The following G3BP2 variants were observed in gnomAD, a reference collection of about 807,000 sequenced individuals.
G3BP2 encodes the protein G3BP stress granule assembly factor 2.
G3BP2 carries 11 observed loss-of-function variants against 56.7 expected under a neutral mutation model. That is an observed-to-expected ratio of 0.19 (90% CI 0.12 to 0.32). The LOEUF (loss-of-function observed/expected upper bound fraction) is 0.32, where lower values mean the gene tolerates loss of function less well. Among genes scored for constraint, G3BP2 ranks in the 10% least tolerant of loss-of-function variants. The probability of loss-of-function intolerance (pLI) is 1.00; values close to 1 mark genes in which losing one functional copy is unlikely to be tolerated. For synonymous variants in G3BP2, 165 were observed against 191.6 expected, an observed-to-expected ratio of 0.86 and a Z score of 1.15; for missense variants, 340 against 610.9, an observed-to-expected ratio of 0.56 and a Z score of 4.67.
At chr4:75,661,475 T>TTTG (rs1259005845) in intron 2 of G3BP2, 1 of 103,822 alleles carries the variant, frequency 9.6e-6, no homozygotes, top group African/African-American at 4.9e-5. Context: ...GCCCCCAAAG[T>TTTG]TTGTTTTTTT....
rs1460956636 is a variant in G3BP2, at chr4:75,673,309, C to T, written c.-126G>A. 1 of 1,229,238 alleles carries T rather than the reference C, an allele frequency of 8.1e-7. No individual in the cohort carries two copies. The allele number at this position is 1,229,238 out of a possible 1,614,324, so 76.1% of individuals were successfully genotyped here. A position where few individuals can be genotyped will look rare whatever the true frequency, so the allele number is the denominator to read the frequency against. ...ATTGCTCGCCGCCCCCTTCCTCCGA[C>T]AACTCGGAAGCCTCGGAAGCCGGAG... On this transcript the variant is annotated 5_prime_UTR_variant, in exon 1 of 12. Coordinates refer to ENST00000359707, the MANE Select transcript of G3BP2 (RefSeq NM_203505.3).
chr4:75,645,609 G>T lies in G3BP2; in HGVS notation c.1270C>A (p.Arg424Ser). The T allele has an allele frequency of 6.2e-7, 1 of 1,613,458 alleles. No individual in the cohort carries two copies. The highest frequency in any genetic ancestry group is 8.5e-7 in the Non-Finnish European group (1 of 1,179,912). Residue 424 changes from arginine (R) to serine (S), a missense_variant, in exon 12 of 12, where the codon CGC (arginine) becomes AGC (serine). Arg to Ser is a moderately radical substitution (Grantham distance 110, BLOSUM62 -1). Around this residue, in one of 4 missense-constraint regions of G3BP2, gnomAD observed 94 missense variants for 173.8 expected, o/e 0.54. Coordinates refer to ENST00000359707, the MANE Select transcript of G3BP2 (RefSeq NM_203505.3). ...CGATCATTGCGCCTAATATCCCTGCGATCATCACCACCACCTCTGGTTTCT... is the reference window on the plus strand; with the variant it reads ...CGATCATTGCGCCTAATATCCCTGCTATCATCACCACCACCTCTGGTTTCT... Reference protein sequence around the residue: ...ERETRGGGDDRRDIRRNDRGP... With the variant: ...ERETRGGGDDSRDIRRNDRGP...
At chr4:75,722,261 C>T (rs867425758) in intron 1 of G3BP2, among the ~76,000 whole-genome samples, 3 of 152,106 alleles carry the variant, frequency 2.0e-5, no homozygotes, top group South Asian at 4.1e-4. Flanking sequence ...GGGAAGAAAA[C>T]AGGTCAAATG....
At chr4:75,668,467 T>C (rs916424546) in intron 1 of G3BP2, among the ~76,000 whole-genome samples, 13 of 152,202 alleles carry the variant, frequency 8.5e-5, no homozygotes, top group African/African-American at 3.1e-4. Context: ...TAATTGAATA[T>C]AGTGAATGGA....
chr4:75,716,770 C>A (rs542980347), intron 3 of G3BP2, among the ~76,000 whole-genome samples: 2 of 152,280 alleles, frequency 1.3e-5, no homozygotes, highest in African/African-American at 4.8e-5. Flanking sequence ...CCGCCTTGGC[C>A]TCCCAAAGTG....
At chr4:75,717,106 T>A (rs1398726848) in intron 3 of G3BP2, among the ~76,000 whole-genome samples, 1 of 152,098 alleles carries the variant, frequency 6.6e-6, no homozygotes, top group Non-Finnish European at 1.5e-5. Flanking sequence ...AGTGTATTTG[T>A]CAATCACAGG....
intron 1 of G3BP2, among the ~76,000 whole-genome samples, chr4:75,666,551 G>C (rs1733051185): frequency 6.6e-6 from 1 of 152,158 alleles, no homozygotes. Flanking sequence ...ATAATTGATA[G>C]AAATCAACCA....
At chr4:75,707,215 T>C (rs932635079) in intron 3 of G3BP2, among the ~76,000 whole-genome samples, 1 of 140,748 alleles carries the variant, frequency 7.1e-6, no homozygotes, top group East Asian at 2.0e-4. Flanking sequence ...GAAAATAGTA[T>C]AATAAAAGAC....
intron 1 of G3BP2, among the ~76,000 whole-genome samples, chr4:75,666,690 A>C (rs376598571): frequency 1.7e-4 from 26 of 152,372 alleles, no homozygotes; most frequent in African/African-American, 6.0e-4. Context: ...AAGAAGGTTG[A>C]GAAAAAGGAA....
intron 1 of G3BP2, among the ~76,000 whole-genome samples, chr4:75,668,844 T>C (rs897396991): frequency 1.3e-5 from 2 of 152,208 alleles, no homozygotes; most frequent in African/African-American, 4.8e-5. Context: ...AACTCTTCTC[T>C]ATTAACTCTT....
chr4:75,646,371 G>A lies in G3BP2; in HGVS notation c.1143C>T (p.Asp381=). The A allele has an allele frequency of 6.3e-7, 1 of 1,585,506 alleles. No homozygotes were observed. The highest frequency in any genetic ancestry group is 1.1e-5 in the South Asian group (1 of 88,862). The change falls in exon 11 of 12, where the codon GAC becomes GAT. Residue 381 remains aspartate (D), a synonymous_variant. Transcript: ENST00000359707. ...LPNFGFVVFD[D]SEPVQRILIA... ...TTAAGATTCTCTGAACTGGTTCAGA[G>A]TCATCAAAAACCACAAAACCAAAAT...
At chr4:75,717,942 C>G (rs1430271102) in intron 3 of G3BP2, among the ~76,000 whole-genome samples, 1 of 151,884 alleles carries the variant, frequency 6.6e-6, no homozygotes, top group African/African-American at 2.4e-5. Context: ...AGATCAAGAC[C>G]ATCCTGGCCA....
intron 9 of G3BP2, among the ~76,000 whole-genome samples, chr4:75,647,514 A>C (rs1020896685): frequency 6.6e-6 from 1 of 152,210 alleles, no homozygotes. Context: ...ATATTTGCTT[A>C]GTTTTTTGAA....
chr4:75,673,537 C>G (rs1225403055), upstream of G3BP2: 2 of 1,232,106 alleles, frequency 1.6e-6, no homozygotes, highest in African/African-American at 1.6e-5. Flanking sequence ...TTCCCGTGTC[C>G]CTCTGCGGAG....
In G3BP2 at chr4:75,683,736, T is replaced by C. The variant is rs778927916; in HGVS notation, c.-24-21687A>G. On this transcript the variant is annotated intron_variant, in intron 3 of 3. Coordinates refer to the G3BP2 transcript ENST00000499709. ...GAAGTAAATTACCTGGCTGCTAGTG[T>C]CTGGCTCAGAACTGACAGGAGCTCC... Among the ~76,000 whole-genome samples the C allele has an allele frequency of 6.0e-4, 91 of 152,282 alleles. 1 individual carries two copies. Among genetic ancestry groups the C allele is most frequent in the Non-Finnish European group, 8.2e-4 (56 of 68,030 alleles).
At chr4:75,668,338 TTAG>T (rs1236925647) in intron 1 of G3BP2, among the ~76,000 whole-genome samples, 2 of 152,194 alleles carry the variant, frequency 1.3e-5, no homozygotes, top group Admixed American at 1.3e-4. Flanking sequence ...TAAGAAACAT[TTAG>T]GTTTTTTGTT....
At chr4:75,675,622 G>C (rs1733847355), upstream of G3BP2, among the ~76,000 whole-genome samples, 1 of 152,120 alleles carries the variant, frequency 6.6e-6, no homozygotes, top group Non-Finnish European at 1.5e-5. Flanking sequence ...GAGAAACCTC[G>C]TCTCTACTAA....
At chr4:75,664,979 A>AC (rs1382003639) in intron 1 of G3BP2, among the ~76,000 whole-genome samples, 4 of 152,214 alleles carry the variant, frequency 2.6e-5, no homozygotes, top group Middle Eastern at 3.4e-3. Context: ...CAACAGAGAG[A>AC]CCCCATCTCT....
intron 3 of G3BP2, among the ~76,000 whole-genome samples, chr4:75,658,628 G>GAGGC (rs1254927745): frequency 6.6e-6 from 1 of 151,840 alleles, no homozygotes; most frequent in Non-Finnish European, 1.5e-5. Flanking sequence ...TTGGGAGGCT[G>GAGGC]AGGCAGGAGA....
Sources: gnomAD v4.1 joint callset for allele counts (sites outside exome capture counted in the v4.1 genomes callset) on GRCh38, gnomAD v4.1.1 for gene constraint, gnomAD v4.1.1 regional missense constraint, MANE v1.5 for transcripts, NCBI Gene and HGNC (gene_info 2026-07-23, HGNC 2026-07-21) for gene names.